Variants in FARS2 observed in about 807,000 individuals in gnomAD.
FARS2 encodes the protein phenylalanyl-tRNA synthetase 2, mitochondrial.
Under a neutral mutation model 46.4 loss-of-function variants are expected in FARS2, and 40 were observed. The observed-to-expected ratio is 0.86, with a 90% CI of 0.67 to 1.12. The LOEUF (loss-of-function observed/expected upper bound fraction) is 1.12. Among genes scored for constraint, FARS2 ranks in the 50% most tolerant of loss-of-function variants. FARS2 has a pLI of 0.00. For synonymous variants in FARS2, 234 were observed against 214.9 expected (o/e 1.09, Z -0.78); for missense variants, 513 against 567.9 (o/e 0.90, Z 0.98).
At chr6:5,410,703 G>C (rs1562020551) in intron 3 of FARS2, among the ~76,000 whole-genome samples, 1 of 152,210 alleles carries the variant, frequency 6.6e-6, no homozygotes, top group East Asian at 1.9e-4. Flanking sequence ...CGTTGACAAG[G>C]AGTTTTTTCT....
chr6:5,591,706 C>A (rs534173812), intron 5 of FARS2, among the ~76,000 whole-genome samples: 1 of 152,332 alleles, frequency 6.6e-6, no homozygotes, highest in East Asian at 1.9e-4. Context: ...CCCACTCCTG[C>A]CATTATACAA....
At chr6:5,426,577 C>T (rs980984027) in intron 3 of FARS2, among the ~76,000 whole-genome samples, 2 of 152,136 alleles carry the variant, frequency 1.3e-5, no homozygotes, top group Non-Finnish European at 2.9e-5. Flanking sequence ...AATAATTTCA[C>T]TACCAATGAT....
chr6:5,615,329 C>T (rs1405766576), intron 6 of FARS2, among the ~76,000 whole-genome samples: 1 of 152,084 alleles, frequency 6.6e-6, no homozygotes, highest in Non-Finnish European at 1.5e-5. Flanking sequence ...TTGGTATGCT[C>T]TCCTCATTGT....
chr6:5,383,150 TC>T (rs1012248981), intron 2 of FARS2, among the ~76,000 whole-genome samples: 1 of 152,238 alleles, frequency 6.6e-6, no homozygotes, highest in Non-Finnish European at 1.5e-5. Context: ...TTCTTGGGGA[TC>T]TTCATGGTGA....
At chr6:5,515,013 T>C (rs1484950992) in intron 4 of FARS2, among the ~76,000 whole-genome samples, 1 of 151,996 alleles carries the variant, frequency 6.6e-6, no homozygotes, top group Non-Finnish European at 1.5e-5. Flanking sequence ...TGGTCTCAAG[T>C]GGTCCTCCTG....
chr6:5,597,855 G>A (rs1774287339), intron 5 of FARS2, among the ~76,000 whole-genome samples: 1 of 151,998 alleles, frequency 6.6e-6, no homozygotes, highest in South Asian at 2.1e-4. Flanking sequence ...TCTAGCTAAT[G>A]ACTAACATTG....
At chr6:5,408,394 G>A (rs1761737954) in intron 3 of FARS2, among the ~76,000 whole-genome samples, 1 of 152,176 alleles carries the variant, frequency 6.6e-6, no homozygotes. Flanking sequence ...AGTACTTGTG[G>A]AGAGCAAGCA....
chr6:5,751,345 G>A (rs974272210), intron 6 of FARS2, among the ~76,000 whole-genome samples: 1 of 152,052 alleles, frequency 6.6e-6, no homozygotes, highest in Admixed American at 6.6e-5. Flanking sequence ...GGCACTTGAT[G>A]GCTGTTGAAA....
At chr6:5,694,975 A>T (rs1758008540) in intron 6 of FARS2, 1 of 152,260 alleles carries the variant, frequency 6.6e-6, no homozygotes, top group Non-Finnish European at 1.5e-5. Flanking sequence ...ACACTATTGC[A>T]CTACAGCCTG....
At chr6:5,414,911 G>A (rs1489854907) in intron 3 of FARS2, among the ~76,000 whole-genome samples, 2 of 150,324 alleles carry the variant, frequency 1.3e-5, no homozygotes, top group Non-Finnish European at 3.0e-5. Context: ...CGTCTCCTGG[G>A]TTCAAGCAAT....
At chr6:5,467,756 A>C (rs1765592436) in intron 4 of FARS2, among the ~76,000 whole-genome samples, 1 of 152,226 alleles carries the variant, frequency 6.6e-6, no homozygotes, top group East Asian at 1.9e-4. Context: ...TCCTATCAGT[A>C]AAATAAATGT....
At chr6:5,657,624 G>GT (rs1351091210) in intron 6 of FARS2, among the ~76,000 whole-genome samples, 1 of 152,202 alleles carries the variant, frequency 6.6e-6, no homozygotes, top group Non-Finnish European at 1.5e-5. Context: ...AGGGGTCTTG[G>GT]TTTATAAGTG....
At chr6:5,480,840 A>T (rs1307272018) in intron 4 of FARS2, among the ~76,000 whole-genome samples, 1 of 152,224 alleles carries the variant, frequency 6.6e-6, no homozygotes, top group Non-Finnish European at 1.5e-5. Context: ...TGGTGAATTT[A>T]TAGTGTCATA....
At chr6:5,709,220 G>A (rs1758947650) in intron 6 of FARS2, among the ~76,000 whole-genome samples, 4 of 152,178 alleles carry the variant, frequency 2.6e-5, no homozygotes, top group Non-Finnish European at 5.9e-5. Flanking sequence ...CTGAAGGTGG[G>A]GTTGAGGCCA....
At chr6:5,533,194 G>A (rs1026391465) in intron 4 of FARS2, among the ~76,000 whole-genome samples, 1 of 152,130 alleles carries the variant, frequency 6.6e-6, no homozygotes, top group African/African-American at 2.4e-5. Flanking sequence ...TGGTGACCAA[G>A]GTAGGGGTCA....
chr6:5,689,561 A>G (rs1339690297), intron 6 of FARS2, among the ~76,000 whole-genome samples: 1 of 152,198 alleles, frequency 6.6e-6, no homozygotes, highest in Admixed American at 6.5e-5. Flanking sequence ...GTGGTCTGAG[A>G]AACAGTTTGT....
the FARS2 span, among the ~76,000 whole-genome samples, chr6:5,251,389 A>C: frequency 6.6e-6 from 1 of 152,180 alleles, no homozygotes; most frequent in Non-Finnish European, 1.5e-5. Flanking sequence ...AAGAGGTTTA[A>C]TTGGCTCACA....
chr6:5,597,344 T>C (rs1371543919), intron 5 of FARS2, among the ~76,000 whole-genome samples: 1 of 152,164 alleles, frequency 6.6e-6, no homozygotes, highest in Non-Finnish European at 1.5e-5. Flanking sequence ...GACAGCTGGG[T>C]CTGCTTCTGC....
chr6:5,403,034 C>A (rs1252912493), intron 2 of FARS2, among the ~76,000 whole-genome samples: 1 of 152,158 alleles, frequency 6.6e-6, no homozygotes, highest in Non-Finnish European at 1.5e-5. Flanking sequence ...TGCCTGCCTG[C>A]CTGCCTGCCA....
Sources: allele counts gnomAD v4.1 joint callset (sites outside exome capture counted in the v4.1 genomes callset), GRCh38; gene constraint gnomAD v4.1.1; transcripts MANE v1.5; gene names NCBI Gene and HGNC (gene_info 2026-07-23, HGNC 2026-07-21).